ABCA13: variants seen among roughly 807,000 people sequenced by gnomAD.
ABCA13 encodes ATP binding cassette subfamily A member 13, also known as ATP-binding cassette sub-family A member 13.
In ABCA13, 476 loss-of-function variants were observed where a neutral mutation model predicts 478.7. The ratio of observed to expected loss-of-function variants is 0.99; its 90% confidence interval spans 0.92 to 1.07. The LOEUF is 1.07. ABCA13 is among the 50% of genes least tolerant of loss of function. The probability of loss-of-function intolerance (pLI) is 0.00; values close to 1 mark genes in which losing one functional copy is unlikely to be tolerated. For synonymous variants in ABCA13, 2,252 were observed against 2,158.9 expected (o/e 1.04, Z -1.20); for missense variants, 6,060 against 5,910.6 (o/e 1.03, Z -0.83).
At chr7:48,501,409 C>T (rs1271497585) in intron 48 of ABCA13, among the ~76,000 whole-genome samples, 2 of 152,076 alleles carry the variant, frequency 1.3e-5, no homozygotes, top group African/African-American at 2.4e-5. Flanking sequence ...ATGAGGATTC[C>T]CTAGAGCGCC....
chr7:48,367,806 C>G lies in ABCA13; in HGVS notation c.10701C>G (p.Asn3567Lys), dbSNP rs1336263610. 2 of 1,564,732 alleles carry G rather than the reference C, an allele frequency of 1.3e-6. No homozygotes were observed. Among genetic ancestry groups the G allele is most frequent in the Non-Finnish European group, 1.7e-6 (2 of 1,153,220 alleles). The change falls in exon 32 of 62, where the codon AAC becomes AAG. Residue 3567 changes from asparagine to lysine, a missense_variant. Coordinates refer to ENST00000435803, the MANE Select transcript of ABCA13 (RefSeq NM_152701.5). ...TATCCCCTTACAGATTCCTGAACAA[C>G]GTTGGTTTCTTTTTTCCACTGATAA... ...PCHTSDLFLNNVGFFFPLIMM... is the reference protein window; with the variant it reads ...PCHTSDLFLNKVGFFFPLIMM...
At chr7:48,482,282 G>A (rs1828850438) in intron 46 of ABCA13, among the ~76,000 whole-genome samples, 1 of 152,124 alleles carries the variant, frequency 6.6e-6, no homozygotes, top group Non-Finnish European at 1.5e-5. Context: ...GAAATTGTCT[G>A]GAATGCTTTC....
intron 27 of ABCA13, among the ~76,000 whole-genome samples, chr7:48,319,012 A>G (rs1436556905): frequency 6.6e-6 from 1 of 152,178 alleles, no homozygotes; most frequent in Non-Finnish European, 1.5e-5. Context: ...AGTTAGATAT[A>G]CTATGCTATA....
At chr7:48,598,801 A>C (rs957289458) in intron 58 of ABCA13, among the ~76,000 whole-genome samples, 1 of 151,918 alleles carries the variant, frequency 6.6e-6, no homozygotes, top group Non-Finnish European at 1.5e-5. Context: ...TTTTTTTCTA[A>C]AAATTTTAGA....
chr7:48,477,410 A>G (rs1828227390), intron 45 of ABCA13, among the ~76,000 whole-genome samples: 1 of 152,092 alleles, frequency 6.6e-6, no homozygotes. Flanking sequence ...AAAGGACTAT[A>G]AATCATGCTG....
chr7:48,616,179 CAT>C (rs1223926190), intron 59 of ABCA13, among the ~76,000 whole-genome samples: 1 of 152,040 alleles, frequency 6.6e-6, no homozygotes, highest in African/African-American at 2.4e-5. Context: ...GGTAAATAGT[CAT>C]ATGTAAATTT....
rs752658494 is a variant in ABCA13, at chr7:48,587,176, G to T, written c.14528G>T (p.Arg4843Leu). ...IPEVAGDLIR[R>L]LHLEAHADKP... ...CAGGTTGCTGGAGACCTCATCAGGC[G>T]CTTACACCTCGAAGCCCACGCGGAC... Residue 4843 changes from arginine (R) to leucine (L), a missense_variant, in exon 57 of 62, where the codon CGC becomes CTC. Physicochemically the swap from Arg to Leu is moderately radical, Grantham distance 102. This residue lies in a region of ABCA13 where 1,627 missense variants were observed against 1,571.0 expected (regional missense o/e 1.04). Transcript: ENST00000435803. The T allele has an allele frequency of 3.1e-6, 5 of 1,613,022 alleles. No homozygotes were observed. In the Admixed American group the frequency reaches 5.0e-5, roughly 16 times the overall value.
At chr7:48,291,638 C>T (rs946070272) in intron 20 of ABCA13, among the ~76,000 whole-genome samples, 3 of 152,108 alleles carry the variant, frequency 2.0e-5, no homozygotes, top group Non-Finnish European at 4.4e-5. Flanking sequence ...ACTCCAGCTC[C>T]CCCTGTGGTT....
intron 41 of ABCA13, among the ~76,000 whole-genome samples, chr7:48,424,498 G>C (rs946123010): frequency 6.6e-6 from 1 of 152,156 alleles, no homozygotes. Flanking sequence ...ACAAAATGGC[G>C]TTGAATGAGA....
Position 48,297,308 on chromosome 7 carries a change from G to C in ABCA13, c.9196G>C (p.Glu3066Gln). 1 of 1,605,850 alleles carries C rather than the reference G, an allele frequency of 6.2e-7. No homozygotes were observed. Among genetic ancestry groups the C allele is most frequent in the East Asian group, 2.2e-5 (1 of 44,762 alleles). ...TTTTCTCAGCAATTTCACAGTAACT[G>C]AGGGTAAGTATGTGGTTTTCCAAGT... is the stretch of plus-strand genomic sequence containing the variant. ...MTFLSNFTVT[E>Q]DVKIKDLMKN... Residue 3066 changes from glutamate (E) to glutamine (Q), a missense_variant, in exon 22 of 62, where the codon GAG becomes CAG. Around this residue, in one of 3 missense-constraint regions of ABCA13, gnomAD observed 4,423 missense variants for 4,309.1 expected, o/e 1.03. Transcript: ENST00000435803.
intron 31 of ABCA13, among the ~76,000 whole-genome samples, chr7:48,357,868 G>A (rs929197587): frequency 6.6e-6 from 1 of 151,804 alleles, no homozygotes; most frequent in Non-Finnish European, 1.5e-5. Flanking sequence ...TTTCGGCCGG[G>A]TGTGGTGGCT....
chr7:48,281,843 G>A (rs144978037), intron 19 of ABCA13, among the ~76,000 whole-genome samples: 105 of 152,208 alleles, frequency 6.9e-4, no homozygotes, highest in Middle Eastern at 6.8e-3. Context: ...GTGCAGTATC[G>A]TACTTTCTTC....
intron 38 of ABCA13, among the ~76,000 whole-genome samples, chr7:48,396,697 T>C (rs1816879353): frequency 6.6e-6 from 1 of 152,094 alleles, no homozygotes; most frequent in African/African-American, 2.4e-5. Flanking sequence ...GTCTGAGAAG[T>C]GAAGGTGATT....
chr7:48,208,331 T>C (rs2128936505), intron 3 of ABCA13, among the ~76,000 whole-genome samples: 1 of 152,242 alleles, frequency 6.6e-6, no homozygotes, highest in East Asian at 1.9e-4. Flanking sequence ...TTTTTTCTAT[T>C]TCTATGAAGA....
At chr7:48,498,283 C>T (rs1830449171) in intron 48 of ABCA13, among the ~76,000 whole-genome samples, 1 of 152,074 alleles carries the variant, frequency 6.6e-6, no homozygotes, top group Non-Finnish European at 1.5e-5. Flanking sequence ...TTTGTTAGAC[C>T]ACTCTTTTCC....
At chr7:48,512,770 C>A (rs967802846) in intron 51 of ABCA13, among the ~76,000 whole-genome samples, 1 of 152,018 alleles carries the variant, frequency 6.6e-6, no homozygotes, top group Non-Finnish European at 1.5e-5. Context: ...TCATACATAA[C>A]TACCACATTT....
chr7:48,371,371 C>T (rs551028369), intron 32 of ABCA13, among the ~76,000 whole-genome samples: 18 of 152,224 alleles, frequency 1.2e-4, no homozygotes, highest in African/African-American at 4.3e-4. Context: ...TTACTTAGAG[C>T]AGTGTGGCCA....
Position 48,274,717 on chromosome 7 carries a change from A to G in ABCA13, c.5051A>G (p.Gln1684Arg). The change falls in exon 17 of 62, where the codon CAA (glutamine) becomes CGA (arginine). Residue 1684 changes from glutamine to arginine, a missense_variant. By Grantham distance (43) the Gln-to-Arg change is conservative. Transcript: ENST00000435803. The part of the protein sequence containing the change: ...DIDLLVDQLE[Q>R]VSVNLMDFFK... ...GACCTTTTAGTGGATCAGCTTGAAC[A>G]AGTTAGTGTAAACCTAATGGATTTC... is the stretch of plus-strand genomic sequence containing the variant. 6.2e-7 allele frequency: 1 copy of G among 1,613,990 alleles called. No individual in the cohort carries two copies. The highest frequency in any genetic ancestry group is 8.5e-7 in the Non-Finnish European group (1 of 1,179,854).
chr7:48,349,927 C>G (rs1808695358), intron 29 of ABCA13, among the ~76,000 whole-genome samples: 1 of 152,238 alleles, frequency 6.6e-6, no homozygotes, highest in Admixed American at 6.5e-5. Context: ...TGCTTTCCCT[C>G]TGGAGGTCAT....
Sources: gnomAD v4.1 joint callset for allele counts (sites outside exome capture counted in the v4.1 genomes callset) on GRCh38, gnomAD v4.1.1 for gene constraint, gnomAD v4.1.1 regional missense constraint, MANE v1.5 for transcripts, NCBI Gene and HGNC (gene_info 2026-07-23, HGNC 2026-07-21) for gene names.